Variants in CLCN4 observed in about 807,000 individuals in gnomAD.
CLCN4 encodes H(+)/Cl(-) exchange transporter 4.
In CLCN4, 1 loss-of-function variant was observed where a neutral mutation model predicts 41.7. The ratio of observed to expected loss-of-function variants is 0.02; its 90% CI spans 0.01 to 0.11. CLCN4 has a LOEUF of 0.11. Ranked by LOEUF, CLCN4 falls within the 10% of genes least tolerant of loss-of-function variation. The pLI is 1.00. For missense variants in CLCN4, 287 were observed against 661.0 expected (o/e 0.43, Z 6.20); for synonymous variants, 277 against 285.8 (o/e 0.97, Z 0.31).
rs61453535 is a variant in CLCN4 at position 10,204,613 on chromosome X, C to CTTTTTTTTTTTTTTTT, written c.556-1724_556-1709dup. ...CTATTCTCACCAGAAAGCTAGTAGT[C>CTTTTTTTTTTTTTTTT]TTTTTTTTTTTTTTTTTTTTTTTTT... On this transcript the variant is annotated intron_variant, in intron 6 of 12. Transcript: ENST00000380833. 3.7e-4 allele frequency among the ~76,000 whole-genome samples: 10 copies of CTTTTTTTTTTTTTTTT among 27,347 alleles called. 2 individuals carry two copies. The highest frequency in any genetic ancestry group is 8.2e-4 in the Non-Finnish European group (9 of 10,921). 23.7% of individuals were successfully genotyped at this position (27,347 alleles called of 115,157 possible).
intron 2 of CLCN4, among the ~76,000 whole-genome samples, chrX:10,182,451 A>C (rs1375033089): frequency 8.9e-6 from 1 of 112,169 alleles, no homozygotes; most frequent in Admixed American, 9.4e-5. Context: ...TTTGAGATGG[A>C]GTCTCGCTCT....
Position 10,229,186 on chromosome X carries a change from A to G in CLCN4, c.2193-4308A>G, listed in dbSNP as rs762319908. ...GGAGGGGGCCTCACTGGGGATTCCTATCTGCCTGTAAATAGAGGCCCTTCC... is the reference window on the plus strand; with the variant it reads ...GGAGGGGGCCTCACTGGGGATTCCTGTCTGCCTGTAAATAGAGGCCCTTCC... On this transcript the variant is annotated intron_variant, in intron 12 of 12. Coordinates refer to ENST00000380833, the MANE Select transcript of CLCN4 (RefSeq NM_001830.4). 2.2e-3 allele frequency among the ~76,000 whole-genome samples: 245 copies of G among 111,194 alleles called. 3 individuals are homozygous for G. Among genetic ancestry groups the G allele is most frequent in the Non-Finnish European group, 3.6e-3 (193 of 52,980 alleles).
chrX:10,237,108 G>A lies in CLCN4; in HGVS notation c.*3524G>A, dbSNP rs1925271891. On this transcript the variant is annotated 3_prime_UTR_variant, in exon 13 of 13. Transcript: ENST00000380833. ...AGTCCTTCCCAAAGACCTTACAAAG[G>A]AGATGTGTAAACTGATAGATTTTGA... is the stretch of plus-strand genomic sequence containing the variant. The A allele has an allele frequency of 8.9e-6, 1 of 112,413 alleles. No homozygotes were observed. The allele number at this position is 112,413 out of a possible 1,213,427, so 9.3% of individuals were successfully genotyped here. A position where few individuals can be genotyped will look rare whatever the true frequency, so the allele number is the denominator to read the frequency against.
chrX:10,234,468 G>A lies in CLCN4; in HGVS notation c.*884G>A, dbSNP rs759014246. Reference sequence around the variant, plus strand: ...CTCAGCACTTCCATGGGCCATAGCCGGTATGCCCCCAGCCTGCCATAAGCG... The same window carrying A: ...CTCAGCACTTCCATGGGCCATAGCCAGTATGCCCCCAGCCTGCCATAAGCG... On this transcript the variant is annotated 3_prime_UTR_variant, in exon 13 of 13. Coordinates refer to ENST00000380833, the MANE Select transcript of CLCN4 (RefSeq NM_001830.4). 4 of 112,900 alleles carry A rather than the reference G, an allele frequency of 3.5e-5. No homozygotes were observed. Among genetic ancestry groups the A allele is most frequent in the East Asian group, 2.8e-4 (1 of 3,587 alleles). The allele number at this position is 112,900 out of a possible 1,213,427, so 9.3% of individuals were successfully genotyped here.
chrX:10,208,899 C>G (rs944156703), intron 9 of CLCN4, among the ~76,000 whole-genome samples: 35 of 112,043 alleles, frequency 3.1e-4, no homozygotes, highest in African/African-American at 1.1e-3. Context: ...TCACACATTC[C>G]CAGAACAGGT....
rs1039564296 is a variant in CLCN4, at chrX:10,165,078, G to A, written c.-12+6527G>A. 1.6e-4 allele frequency among the ~76,000 whole-genome samples: 18 copies of A among 112,868 alleles called. 1 individual carries two copies. The highest frequency in any genetic ancestry group is 5.5e-4 in the African/African-American group (17 of 31,052). On this transcript the variant is annotated intron_variant, in intron 2 of 12. Coordinates refer to ENST00000380833, the MANE Select transcript of CLCN4 (RefSeq NM_001830.4). ...TCGCCCTGCACCGCCTGTCACGTGC[G>A]CTTCTGCGGGATGCAGTGGCCTGCA...
At chrX:10,188,019 C>T (rs1451345880) in intron 4 of CLCN4, among the ~76,000 whole-genome samples, 1 of 112,181 alleles carries the variant, frequency 8.9e-6, no homozygotes, top group Non-Finnish European at 1.9e-5. Flanking sequence ...CGGGGTTGAA[C>T]AATCCTCCCA....
intron 2 of CLCN4, among the ~76,000 whole-genome samples, chrX:10,163,416 T>G (rs1923161737): frequency 9.2e-6 from 1 of 108,342 alleles, no homozygotes; most frequent in Admixed American, 9.8e-5. Flanking sequence ...TTTCTTTTCT[T>G]TTTTTTTTTG....
At chrX:10,164,047 G>C (rs1270935702) in intron 2 of CLCN4, among the ~76,000 whole-genome samples, 1 of 112,838 alleles carries the variant, frequency 8.9e-6, no homozygotes, top group African/African-American at 3.2e-5. Flanking sequence ...ACTGATTTGA[G>C]CTGAGGGAAG....
At chrX:10,163,554 G>A (rs1923166787) in intron 2 of CLCN4, among the ~76,000 whole-genome samples, 1 of 109,642 alleles carries the variant, frequency 9.1e-6, no homozygotes, top group South Asian at 4.0e-4. Context: ...TTACAGGCAC[G>A]CACCACCACG....
intron 2 of CLCN4, among the ~76,000 whole-genome samples, chrX:10,179,140 C>T (rs1431234504): frequency 4.4e-5 from 5 of 112,472 alleles, no homozygotes; most frequent in Non-Finnish European, 7.5e-5. Context: ...GTGAAGATAG[C>T]GCTGAACTTT....
chrX:10,205,073 T>C (rs1167366662), intron 6 of CLCN4, among the ~76,000 whole-genome samples: 13 of 111,069 alleles, frequency 1.2e-4, no homozygotes, highest in African/African-American at 4.3e-4. Flanking sequence ...GGTTGGTTCA[T>C]GCAGATTTCC....
chrX:10,209,891 A>G (rs971988087), intron 9 of CLCN4, among the ~76,000 whole-genome samples: 2 of 108,339 alleles, frequency 1.8e-5, no homozygotes, highest in African/African-American at 6.8e-5. Context: ...TTTAAAGTAT[A>G]CAGTTCAGTG....
intron 2 of CLCN4, among the ~76,000 whole-genome samples, chrX:10,162,001 G>C (rs1479043429): frequency 2.0e-5 from 2 of 102,346 alleles, no homozygotes; most frequent in African/African-American, 7.1e-5. Flanking sequence ...GACCCTTCAG[G>C]CCCAGTTGAG....
rs889993306 is a variant in CLCN4, at chrX:10,188,525, C to T, written c.244+911C>T. ...ATGGATGCTATCTGGAGGGGAAACA[C>T]GTCTTTTTAATATCAAACGCACCAG... On this transcript the variant is annotated intron_variant, in intron 4 of 12. Transcript: ENST00000380833. Among the ~76,000 whole-genome samples the T allele has an allele frequency of 6.2e-5, 7 of 112,177 alleles. No individual in the cohort carries two copies. The East Asian group carries it at 1.7e-3, about 27-fold the overall frequency.
At chrX:10,199,082 A>G (rs145512778) in intron 6 of CLCN4, among the ~76,000 whole-genome samples, 178 of 112,738 alleles carry the variant, frequency 1.6e-3, no homozygotes, top group African/African-American at 5.3e-3. Flanking sequence ...AGAAGTCTTA[A>G]TATGTCATGC....
chrX:10,225,455 T>G (rs1464389960), intron 12 of CLCN4, among the ~76,000 whole-genome samples: 1 of 112,317 alleles, frequency 8.9e-6, no homozygotes, highest in Non-Finnish European at 1.9e-5. Flanking sequence ...GTTTTTTTCT[T>G]GTAAATTTGT....
Position 10,234,586 on chromosome X carries a change from G to T in CLCN4, c.*1002G>T, listed in dbSNP as rs1190314172. The stretch of plus-strand genomic sequence containing the variant: ...CTCTCAGGTCTTATCAGATACGGCT[G>T]TGGAGAGGATGAGGCATATGCGTTG... On this transcript the variant is annotated 3_prime_UTR_variant, in exon 13 of 13. Coordinates refer to ENST00000380833, the MANE Select transcript of CLCN4 (RefSeq NM_001830.4). 4 of 112,706 alleles carry T rather than the reference G, an allele frequency of 3.5e-5. No individual in the cohort carries two copies. The highest frequency in any genetic ancestry group is 1.3e-4 in the African/African-American group (4 of 30,944). The allele number at this position is 112,706 out of a possible 1,213,427, so 9.3% of individuals were successfully genotyped here. A position where few individuals can be genotyped will look rare whatever the true frequency, so the allele number is the denominator to read the frequency against.
intron 6 of CLCN4, among the ~76,000 whole-genome samples, chrX:10,205,607 C>CT (rs923729645): frequency 0.045 from 4,075 of 90,590 alleles, 134 homozygotes; most frequent in Non-Finnish European, 0.068. Flanking sequence ...TGGCATATTC[C>CT]TTTTTTTTTT....
Sources: allele counts gnomAD v4.1 joint callset (sites outside exome capture counted in the v4.1 genomes callset), GRCh38; gene constraint gnomAD v4.1.1; transcripts MANE v1.5; gene names NCBI Gene and HGNC (gene_info 2026-07-23, HGNC 2026-07-21).